Variants in NR2C1 observed in about 807,000 individuals in gnomAD.
NR2C1 encodes the protein nuclear receptor subfamily 2 group C member 1.
NR2C1 carries 33 observed loss-of-function variants against 74.8 expected under a neutral mutation model. That is an observed-to-expected ratio of 0.44 (90% CI 0.33 to 0.59). NR2C1 has a LOEUF of 0.59. NR2C1 is among the 20% of genes least tolerant of loss of function. The probability of loss-of-function intolerance (pLI) is 0.02; values close to 1 mark genes in which losing one functional copy is unlikely to be tolerated. For missense variants in NR2C1, 568 were observed against 715.6 expected (o/e 0.79, Z 2.35); for synonymous variants, 225 against 240.6 (o/e 0.94, Z 0.60).
At chr12:95,049,852 G>A (rs1469446720) in intron 8 of NR2C1, among the ~76,000 whole-genome samples, 2 of 152,166 alleles carry the variant, frequency 1.3e-5, no homozygotes, top group African/African-American at 4.8e-5. Flanking sequence ...CTGGAGTGCA[G>A]TGGCATGATC....
At chr12:95,060,392 G>A (rs1456285189) in intron 3 of NR2C1, among the ~76,000 whole-genome samples, 2 of 152,172 alleles carry the variant, frequency 1.3e-5, no homozygotes, top group South Asian at 2.1e-4. Flanking sequence ...GGTGGCTCAC[G>A]CCTGTAATCC....
chr12:95,057,429 A>T, intron 7 of NR2C1, 124 bp downstream of exon 7: 1 of 691,444 alleles, frequency 1.4e-6, no homozygotes, highest in South Asian at 2.4e-5. Flanking sequence ...TATATTAAAA[A>T]AAAAAAGGCA....
chr12:95,054,848 GCAGATAAACAAGTGAA>G (rs557870884), intron 7 of NR2C1, among the ~76,000 whole-genome samples: 1,613 of 152,244 alleles, frequency 0.011, 22 homozygotes, highest in African/African-American at 0.037. Context: ...GGGACGGTCA[GCAGATAAACAAGTGAA>G]CAAAGGTCTC....
intron 4 of NR2C1, 102 bp from the exon 5 acceptor site, chr12:95,058,591 G>A: frequency 1.1e-6 from 1 of 892,068 alleles, no homozygotes; most frequent in Non-Finnish European, 1.7e-6. Flanking sequence ...AGATGAAACT[G>A]ATTTTTGAGC....
chr12:95,038,049 G>A (rs1871081782), intron 10 of NR2C1, among the ~76,000 whole-genome samples: 1 of 152,054 alleles, frequency 6.6e-6, no homozygotes, highest in Non-Finnish European at 1.5e-5. Context: ...CATCTAGATA[G>A]GGATAAAAAA....
At chr12:95,044,966 C>T (rs893414614) in intron 9 of NR2C1, among the ~76,000 whole-genome samples, 11 of 152,156 alleles carry the variant, frequency 7.2e-5, no homozygotes, top group Non-Finnish European at 8.8e-5. Context: ...TTTGGGAGGT[C>T]GAGGTGGGAA....
intron 7 of NR2C1, among the ~76,000 whole-genome samples, chr12:95,053,929 C>T (rs954486396): frequency 2.8e-4 from 43 of 152,030 alleles, no homozygotes; most frequent in African/African-American, 9.4e-4. Context: ...GTGATCTGCC[C>T]GCCTTGGCCT....
At chr12:95,053,894 A>G (rs2136165138) in intron 7 of NR2C1, among the ~76,000 whole-genome samples, 1 of 152,190 alleles carries the variant, frequency 6.6e-6, no homozygotes, top group East Asian at 1.9e-4. Context: ...TGTGTTAGCC[A>G]GGACAGTCTC....
chr12:95,073,097 A>AG (rs1876974468), intron 1 of NR2C1: 2 of 152,232 alleles, frequency 1.3e-5, no homozygotes, highest in Non-Finnish European at 2.9e-5. Flanking sequence ...GCAGCTGGAA[A>AG]GGGGGTTGTG....
At chr12:95,030,619 T>C in intron 11 of NR2C1, 2 of 1,613,154 alleles carry the variant, frequency 1.2e-6, no homozygotes, top group Non-Finnish European at 1.7e-6. Flanking sequence ...TTTAAGGTGA[T>C]TACCCCTCTG....
intron 12 of NR2C1, among the ~76,000 whole-genome samples, chr12:95,026,193 T>C (rs41146): frequency 0.21 from 30,440 of 148,476 alleles, 3,147 homozygotes; most frequent in Non-Finnish European, 0.23. Flanking sequence ...GGCAACAGAG[T>C]GAGACTCCGT....
At chr12:95,060,619 C>T (rs1000908235) in intron 3 of NR2C1, among the ~76,000 whole-genome samples, 1 of 152,218 alleles carries the variant, frequency 6.6e-6, no homozygotes, top group Non-Finnish European at 1.5e-5. Context: ...TGCACCACTG[C>T]ACTTTGGCCT....
chr12:95,056,413 TAAAC>T (rs905583192), intron 7 of NR2C1, among the ~76,000 whole-genome samples: 4 of 152,160 alleles, frequency 2.6e-5, no homozygotes, highest in Non-Finnish European at 4.4e-5. Flanking sequence ...TCAATTTAAA[TAAAC>T]AAACTGTTTT....
intron 9 of NR2C1, among the ~76,000 whole-genome samples, chr12:95,042,439 C>G (rs1357127095): frequency 5.3e-5 from 8 of 151,946 alleles, no homozygotes; most frequent in Non-Finnish European, 1.2e-4. Context: ...TCTCAAACTC[C>G]TGACCTCAGG....
At chr12:95,036,288 A>AG in intron 10 of NR2C1, among the ~76,000 whole-genome samples, 1 of 151,326 alleles carries the variant, frequency 6.6e-6, no homozygotes, top group African/African-American at 2.4e-5. Flanking sequence ...AAAAAAAAAA[A>AG]AAGGCCGGAT....
rs1592799836 is a variant in NR2C1, at chr12:95,068,086, G to A, written c.-7-695C>T. Reference sequence around the variant, plus strand: ...GTAGAGACAGGGTTTCACTGTGTTAGCCAGGATGGCCTTGATCTCCTGACC... The same window carrying A: ...GTAGAGACAGGGTTTCACTGTGTTAACCAGGATGGCCTTGATCTCCTGACC... On this transcript the variant is annotated intron_variant, in intron 1 of 13. Transcript: ENST00000333003. 2.0e-5 allele frequency among the ~76,000 whole-genome samples: 3 copies of A among 152,094 alleles called. No homozygotes were observed. In the East Asian group the frequency reaches 5.8e-4, roughly 29 times the overall value.
chr12:95,060,087 C>T (rs1874562916), intron 3 of NR2C1, 103 bp from the exon 4 acceptor site: 3 of 895,098 alleles, frequency 3.4e-6, no homozygotes, highest in African/African-American at 1.7e-5. Flanking sequence ...GTTGGTCTTG[C>T]TTTGTTGCTT....
At chr12:95,055,567 C>T (rs980769637) in intron 7 of NR2C1, among the ~76,000 whole-genome samples, 3 of 152,108 alleles carry the variant, frequency 2.0e-5, no homozygotes, top group African/African-American at 7.2e-5. Context: ...ATTTGATTTC[C>T]GAGCCTAAGT....
intron 2 of NR2C1, among the ~76,000 whole-genome samples, chr12:95,063,207 C>T (rs1182948253): frequency 2.0e-5 from 3 of 152,172 alleles, no homozygotes; most frequent in African/African-American, 7.2e-5. Context: ...GGGAAGCTCA[C>T]GCTAAGGAGG....
Sources: gnomAD v4.1 joint callset for allele counts (sites outside exome capture counted in the v4.1 genomes callset) on GRCh38, gnomAD v4.1.1 for gene constraint, MANE v1.5 for transcripts, NCBI Gene and HGNC (gene_info 2026-07-23, HGNC 2026-07-21) for gene names.